Variants in NT5DC3 observed in about 807,000 individuals in gnomAD.
The protein encoded by NT5DC3 is 5'-nucleotidase domain containing 3.
In NT5DC3, 42 loss-of-function variants were observed where a neutral mutation model predicts 67.8. That is an observed-to-expected ratio of 0.62 (90% confidence interval 0.48 to 0.80). NT5DC3 has a LOEUF of 0.80. Among genes scored for constraint, NT5DC3 ranks in the 30% least tolerant of loss-of-function variants. NT5DC3 has a pLI of 0.00. For synonymous variants in NT5DC3, 237 were observed against 255.6 expected, an observed-to-expected ratio of 0.93 and a Z score of 0.69; for missense variants, 570 against 696.4, an observed-to-expected ratio of 0.82 and a Z score of 2.04.
intron 1 of NT5DC3, among the ~76,000 whole-genome samples, chr12:103,834,521 G>A (rs1888064209): frequency 6.6e-6 from 1 of 152,166 alleles, no homozygotes; most frequent in Non-Finnish European, 1.5e-5. Flanking sequence ...AGAAAAAAAG[G>A]AGGGTAGGTA....
the NT5DC3 span, among the ~76,000 whole-genome samples, chr12:103,759,953 A>G: frequency 1.3e-5 from 2 of 152,222 alleles, no homozygotes; most frequent in South Asian, 2.1e-4. Flanking sequence ...TTTGTGGAAA[A>G]TTGATCAAAT....
the NT5DC3 span, among the ~76,000 whole-genome samples, chr12:103,747,691 T>C: frequency 6.6e-6 from 1 of 152,072 alleles, no homozygotes; most frequent in Admixed American, 6.5e-5. Flanking sequence ...GAAAATCTAT[T>C]ATTACAGAAA....
At chr12:103,748,829 A>T in the NT5DC3 span, 3 of 877,488 alleles carry the variant, frequency 3.4e-6, no homozygotes, top group South Asian at 5.9e-5. Flanking sequence ...CAGGGCATGG[A>T]GAGAGAAGCA....
chr12:103,755,609 C>T, the NT5DC3 span: 5 of 1,614,118 alleles, frequency 3.1e-6, no homozygotes, highest in East Asian at 4.5e-5. Flanking sequence ...CTCTGCCCTC[C>T]AGATGTGAAC....
rs1885232556 is a variant in NT5DC3 at position 103,773,197 on chromosome 12, C to T, written c.*4632G>A. On this transcript the variant is annotated 3_prime_UTR_variant, in exon 14 of 14. Coordinates refer to ENST00000392876, the MANE Select transcript of NT5DC3 (RefSeq NM_001031701.3). ...CACAATCCATTAGAGCAGGGGCTAG[C>T]AAGCCACAGCCTGAGGACCAAATAC... The T allele has an allele frequency of 6.6e-6, 1 of 152,228 alleles. No homozygotes were observed. The highest frequency in any genetic ancestry group is 2.4e-5 in the African/African-American group (1 of 41,462). The allele number at this position is 152,228 out of a possible 1,614,324, so 9.4% of individuals were successfully genotyped here.
chr12:103,817,740 C>T (rs1756248072), intron 1 of NT5DC3, among the ~76,000 whole-genome samples: 1 of 152,174 alleles, frequency 6.6e-6, no homozygotes, highest in Admixed American at 6.5e-5. Flanking sequence ...GGGATTTGAA[C>T]CTGGGAAGTT....
chr12:103,780,771 A>C (rs1020830126), intron 12 of NT5DC3, among the ~76,000 whole-genome samples: 1 of 152,224 alleles, frequency 6.6e-6, no homozygotes. Context: ...TACTTAGTAC[A>C]TGCTACCTAT....
chr12:103,834,831 T>C (rs1385962342), intron 1 of NT5DC3, among the ~76,000 whole-genome samples: 1 of 152,192 alleles, frequency 6.6e-6, no homozygotes, highest in African/African-American at 2.4e-5. Flanking sequence ...ACAGATTGTT[T>C]GGATGAAAGA....
At chr12:103,830,242 T>C (rs1887869970) in intron 1 of NT5DC3, among the ~76,000 whole-genome samples, 1 of 152,244 alleles carries the variant, frequency 6.6e-6, no homozygotes, top group Admixed American at 6.5e-5. Context: ...GGCTTATAAA[T>C]GGTGAAGTTA....
the NT5DC3 span, among the ~76,000 whole-genome samples, chr12:103,752,987 T>C: frequency 6.6e-6 from 1 of 152,240 alleles, no homozygotes; most frequent in African/African-American, 2.4e-5. Flanking sequence ...TTTTTGCTTA[T>C]GTTTTTACTT....
the NT5DC3 span, chr12:103,755,109 T>C: frequency 3.0e-6 from 2 of 667,784 alleles, no homozygotes; most frequent in Admixed American, 5.6e-5. Context: ...GAGAGGACAC[T>C]TTTGTTCACC....
chr12:103,833,740 C>T (rs1888028855), intron 1 of NT5DC3, among the ~76,000 whole-genome samples: 1 of 148,088 alleles, frequency 6.8e-6, no homozygotes, highest in South Asian at 2.1e-4. Context: ...AAAATCCGTG[C>T]GACTAACAAA....
chr12:103,775,773 T>A lies in NT5DC3; in HGVS notation c.*2056A>T. 6.6e-6 allele frequency: 1 copy of A among 152,208 alleles called. No individual in the cohort carries two copies. Among genetic ancestry groups the A allele is most frequent in the East Asian group, 1.9e-4 (1 of 5,198 alleles). The allele number at this position is 152,208 out of a possible 1,614,324, so 9.4% of individuals were successfully genotyped here. Reference sequence around the variant, plus strand: ...TAAAGGGTCACCTTCACCATTATAGTTAAATACAGCCAAATATCACAAGTA... The same window carrying A: ...TAAAGGGTCACCTTCACCATTATAGATAAATACAGCCAAATATCACAAGTA... On this transcript the variant is annotated 3_prime_UTR_variant, in exon 14 of 14. Coordinates refer to ENST00000392876, the MANE Select transcript of NT5DC3 (RefSeq NM_001031701.3).
intron 4 of NT5DC3, among the ~76,000 whole-genome samples, chr12:103,804,372 C>G (rs1377967149): frequency 1.3e-5 from 2 of 152,152 alleles, no homozygotes; most frequent in Non-Finnish European, 2.9e-5. Flanking sequence ...TTCCCCACCA[C>G]AAGCTGCAGA....
chr12:103,800,055 A>C (rs1338416216), intron 4 of NT5DC3, among the ~76,000 whole-genome samples: 3 of 152,240 alleles, frequency 2.0e-5, no homozygotes, highest in Non-Finnish European at 2.9e-5. Flanking sequence ...AGTATAAATA[A>C]TTCAAGAAGA....
At chr12:103,764,922 A>C in the NT5DC3 span, among the ~76,000 whole-genome samples, 1 of 133,994 alleles carries the variant, frequency 7.5e-6, no homozygotes, top group Admixed American at 7.6e-5. Context: ...ACATGGTGAA[A>C]TCCCATGTCT....
At chr12:103,758,077 TCA>T in the NT5DC3 span, 1 of 1,564,510 alleles carries the variant, frequency 6.4e-7, no homozygotes, top group South Asian at 1.2e-5. Context: ...CCATGAATAT[TCA>T]CAGATGGGTG....
At chr12:103,806,224 C>T (rs1593412468) in intron 4 of NT5DC3, 98 bp downstream of exon 4, 1 of 760,784 alleles carries the variant, frequency 1.3e-6, no homozygotes, top group East Asian at 2.5e-5. Flanking sequence ...ATCATATTCA[C>T]ACTGCAGCCC....
chr12:103,761,234 C>T, the NT5DC3 span: 1 of 1,482,266 alleles, frequency 6.7e-7, no homozygotes, highest in South Asian at 1.1e-5. Context: ...AATTGAACAA[C>T]TTCCCTCCAT....
Sources: gnomAD v4.1 joint callset for allele counts (sites outside exome capture counted in the v4.1 genomes callset) on GRCh38, gnomAD v4.1.1 for gene constraint, MANE v1.5 for transcripts, NCBI Gene and HGNC (gene_info 2026-07-23, HGNC 2026-07-21) for gene names.